Variants in BLTP1 observed in about 807,000 individuals in gnomAD.
BLTP1 encodes bridge-like lipid transfer protein family member 1, also known as fragile site-associated protein.
the BLTP1 span, chr4:122,361,914 A>T: frequency 8.7e-7 from 1 of 1,150,494 alleles, no homozygotes; most frequent in African/African-American, 1.6e-5. Context: ...AAATGTACCT[A>T]CTGAAAATAT....
At chr4:122,348,870 A>C in the BLTP1 span, 1 of 588,476 alleles carries the variant, frequency 1.7e-6, no homozygotes. Context: ...AAATGGCTTA[A>C]TTCTAAGGAT....
chr4:122,184,378 C>T, the BLTP1 span, among the ~76,000 whole-genome samples: 16 of 152,090 alleles, frequency 1.1e-4, no homozygotes, highest in African/African-American at 3.1e-4. Context: ...GTGGCTCACT[C>T]CTGTAATCCC....
the BLTP1 span, among the ~76,000 whole-genome samples, chr4:122,163,637 A>G: frequency 6.6e-6 from 1 of 152,198 alleles, no homozygotes; most frequent in African/African-American, 2.4e-5. Flanking sequence ...CTTTACATCA[A>G]CTTATCAATT....
At chr4:122,229,030 AT>A in the BLTP1 span, 3 of 1,106,846 alleles carry the variant, frequency 2.7e-6, no homozygotes, top group East Asian at 2.8e-5. Context: ...CAATAACTAG[AT>A]TTTTTGTGTT....
At chr4:122,183,017 A>G in the BLTP1 span, 4 of 985,188 alleles carry the variant, frequency 4.1e-6, no homozygotes, top group Non-Finnish European at 4.8e-6. Flanking sequence ...TCATGATCAA[A>G]TGAAGTAACT....
the BLTP1 span, chr4:122,262,760 G>T: frequency 6.4e-7 from 1 of 1,573,700 alleles, no homozygotes; most frequent in African/African-American, 1.4e-5. Flanking sequence ...TACACTTTCT[G>T]TAGGGCATTC....
the BLTP1 span, among the ~76,000 whole-genome samples, chr4:122,212,495 G>T: frequency 6.6e-6 from 1 of 152,092 alleles, no homozygotes; most frequent in East Asian, 1.9e-4. Context: ...TATAAGTAAT[G>T]ATTTAATTAG....
chr4:122,188,991 C>G, the BLTP1 span: 1 of 985,134 alleles, frequency 1.0e-6, no homozygotes, highest in Non-Finnish European at 1.2e-6. Context: ...TGGCCTCACT[C>G]TTCAAGATCA....
At chr4:122,356,071 G>GT in the BLTP1 span, 141,046 of 998,158 alleles carry the variant, frequency 0.14, 11,839 homozygotes, top group Non-Finnish European at 0.17. Flanking sequence ...TGGATTTTTT[G>GT]TAATACTAAT....
At chr4:122,347,013 A>G in the BLTP1 span, 3 of 751,746 alleles carry the variant, frequency 4.0e-6, no homozygotes, top group Middle Eastern at 6.8e-4. Flanking sequence ...AGTTTATTCT[A>G]TAACTATCCT....
the BLTP1 span, chr4:122,302,240 T>C: frequency 2.0e-6 from 2 of 980,710 alleles, no homozygotes; most frequent in South Asian, 4.7e-5. Context: ...AAATTGCTAC[T>C]AACACGAGAA....
chr4:122,244,553 A>G, the BLTP1 span: 6 of 391,716 alleles, frequency 1.5e-5, no homozygotes, highest in East Asian at 1.6e-4. Context: ...ATAATATTAC[A>G]TATTATTATA....
At chr4:122,344,299 A>G in the BLTP1 span, 1 of 1,391,812 alleles carries the variant, frequency 7.2e-7, no homozygotes, top group Non-Finnish European at 9.7e-7. Flanking sequence ...ACAGTATATT[A>G]GATAATTTTC....
the BLTP1 span, chr4:122,185,140 A>G: frequency 2.0e-6 from 2 of 983,540 alleles, no homozygotes; most frequent in South Asian, 4.7e-5. Flanking sequence ...GAATGAAGTT[A>G]TAAATTACAG....
At chr4:122,279,846 A>G in the BLTP1 span, 1 of 1,614,088 alleles carries the variant, frequency 6.2e-7, no homozygotes, top group South Asian at 1.1e-5. Context: ...AAGACAAACA[A>G]TGCTGCTGTG....
At chr4:122,249,706 G>T in the BLTP1 span, 1 of 1,612,654 alleles carries the variant, frequency 6.2e-7, no homozygotes, top group Non-Finnish European at 8.5e-7. Flanking sequence ...ATTGAATTCT[G>T]CTTAAGGTGG....
At chr4:122,178,953 T>A in the BLTP1 span, among the ~76,000 whole-genome samples, 17 of 152,160 alleles carry the variant, frequency 1.1e-4, no homozygotes, top group Non-Finnish European at 2.1e-4. Context: ...AGAAAAGTAT[T>A]GAACAAATAG....
chr4:122,217,959 G>A, the BLTP1 span, among the ~76,000 whole-genome samples: 10 of 152,042 alleles, frequency 6.6e-5, no homozygotes, highest in Admixed American at 5.2e-4. Context: ...CATATTTCCA[G>A]GAATTTATCC....
the BLTP1 span, chr4:122,336,295 C>T: frequency 1.2e-6 from 2 of 1,612,296 alleles, no homozygotes; most frequent in African/African-American, 1.3e-5. Flanking sequence ...GCCTATTAGA[C>T]TTTCTGGAAA....
Sources: gnomAD v4.1 joint callset for allele counts (sites outside exome capture counted in the v4.1 genomes callset) on GRCh38, gnomAD v4.1.1 for gene constraint, MANE v1.5 for transcripts, NCBI Gene and HGNC (gene_info 2026-07-23, HGNC 2026-07-21) for gene names.